Variants in DOCK7 observed in about 807,000 individuals in gnomAD.
DOCK7 encodes the protein dedicator of cytokinesis protein 7.
Under a neutral mutation model 271.0 loss-of-function variants are expected in DOCK7, and 138 were observed. That is an observed-to-expected ratio of 0.51 (90% CI 0.44 to 0.59). The LOEUF (loss-of-function observed/expected upper bound fraction) is 0.59. Among genes scored for constraint, DOCK7 ranks in the 20% least tolerant of loss-of-function variants. The probability of loss-of-function intolerance (pLI) is 0.00; values close to 1 mark genes in which losing one functional copy is unlikely to be tolerated. For missense variants in DOCK7, 2,066 were observed against 2,592.4 expected (o/e 0.80, Z 4.41); for synonymous variants, 823 against 876.1 (o/e 0.94, Z 1.07).
intron 14 of DOCK7, chr1:62,604,663 A>C: frequency 4.3e-6 from 7 of 1,613,236 alleles, no homozygotes; most frequent in Non-Finnish European, 5.9e-6. Context: ...GAGTGTGGAG[A>C]AAACAACCTA....
At chr1:62,502,455 T>C (rs1646811325) in intron 37 of DOCK7, among the ~76,000 whole-genome samples, 1 of 152,210 alleles carries the variant, frequency 6.6e-6, no homozygotes. Flanking sequence ...GCTCATGTGA[T>C]ATCCAATAAG....
At chr1:62,679,843 C>G (rs1025395545) in intron 1 of DOCK7, among the ~76,000 whole-genome samples, 6 of 152,084 alleles carry the variant, frequency 3.9e-5, no homozygotes, top group African/African-American at 9.7e-5. Flanking sequence ...ATGTGAAGGA[C>G]CTCTTCAAGG....
chr1:62,650,686 A>G (rs1178399470), intron 4 of DOCK7, among the ~76,000 whole-genome samples: 2 of 152,246 alleles, frequency 1.3e-5, no homozygotes, highest in East Asian at 1.9e-4. Flanking sequence ...CAACAGACAC[A>G]TGAAAAAATG....
chr1:62,655,117 C>T (rs1471354547), intron 2 of DOCK7, among the ~76,000 whole-genome samples: 1 of 152,118 alleles, frequency 6.6e-6, no homozygotes, highest in African/African-American at 2.4e-5. Context: ...ATACACAGGC[C>T]CTATTAAAAC....
chr1:62,582,533 G>C (rs1242122156), intron 16 of DOCK7, among the ~76,000 whole-genome samples: 2 of 99,636 alleles, frequency 2.0e-5, no homozygotes, highest in South Asian at 8.0e-4. Flanking sequence ...CTGGGGGACA[G>C]AGCGAGACTC....
At chr1:62,635,578 T>C (rs1033342346) in intron 8 of DOCK7, 4 of 149,460 alleles carry the variant, frequency 2.7e-5, no homozygotes, top group Non-Finnish European at 5.9e-5. Context: ...TACAAAGAAA[T>C]TATCATTGAG....
chr1:62,604,009 G>A (rs1402276845), intron 14 of DOCK7: 3 of 1,613,066 alleles, frequency 1.9e-6, no homozygotes, highest in South Asian at 1.1e-5. Context: ...ACTCCATAGT[G>A]AAGCAATCTA....
intron 1 of DOCK7, among the ~76,000 whole-genome samples, chr1:62,677,714 A>G (rs1660690600): frequency 6.6e-6 from 1 of 152,232 alleles, no homozygotes; most frequent in Non-Finnish European, 1.5e-5. Context: ...TAAAGCATCA[A>G]TTCTTAATTC....
chr1:62,573,897 T>G (rs1458724070), intron 18 of DOCK7, among the ~76,000 whole-genome samples: 1 of 152,116 alleles, frequency 6.6e-6, no homozygotes, highest in Non-Finnish European at 1.5e-5. Context: ...TCCAAAGCAC[T>G]GGGATTATAG....
At chr1:62,461,537 A>T (rs1424301099) in intron 48 of DOCK7, among the ~76,000 whole-genome samples, 3 of 151,562 alleles carry the variant, frequency 2.0e-5, no homozygotes, top group African/African-American at 7.3e-5. Context: ...TATAGTGGTG[A>T]ACACCTGTGG....
At chr1:62,596,824 C>A (rs1649324869) in intron 14 of DOCK7, among the ~76,000 whole-genome samples, 1 of 152,022 alleles carries the variant, frequency 6.6e-6, no homozygotes, top group South Asian at 2.1e-4. Flanking sequence ...TCAACGAGCA[C>A]ATGGTAAAGA....
At position 62,476,130 on chromosome 1, in the gene DOCK7, C is replaced by T. The variant is rs372161044; in HGVS notation, c.5661G>A (p.Glu1887=). Residue 1887 remains glutamate (E), a synonymous_variant, in exon 45 of 50, where the codon GAG becomes GAA. Coordinates refer to ENST00000635253, the MANE Select transcript of DOCK7 (RefSeq NM_001367561.1). ...LEGFYGERFG[E]DVVEVIKDSN... ...AGTCTTTGATTACTTCAACCACATCCTCTCCAAATCTTTCTCCGTAAAATC... is the reference window on the plus strand; with the variant it reads ...AGTCTTTGATTACTTCAACCACATCTTCTCCAAATCTTTCTCCGTAAAATC... The T allele has an allele frequency of 1.9e-6, 3 of 1,612,940 alleles. No individual in the cohort carries two copies. The highest frequency in any genetic ancestry group is 1.7e-6 in the Non-Finnish European group (2 of 1,179,546).
chr1:62,668,895 A>C (rs555413409), intron 1 of DOCK7, among the ~76,000 whole-genome samples: 159 of 150,532 alleles, frequency 1.1e-3, no homozygotes, highest in African/African-American at 3.6e-3. Context: ...ACTGCACTCC[A>C]GCCTGGGCAA....
intron 44 of DOCK7, 36 bp downstream of exon 44, chr1:62,477,664 T>C: frequency 6.5e-7 from 1 of 1,549,276 alleles, no homozygotes; most frequent in Non-Finnish European, 8.7e-7. Flanking sequence ...GAATACAAAC[T>C]AAAGATGACA....
intron 31 of DOCK7, among the ~76,000 whole-genome samples, chr1:62,521,284 C>T (rs1168050): frequency 0.58 from 88,692 of 151,894 alleles, 27,538 homozygotes; most frequent in East Asian, 0.76. Context: ...TACATATAAA[C>T]AGCATTTAAC....
chr1:62,667,021 G>C (rs957209433), intron 1 of DOCK7, among the ~76,000 whole-genome samples: 11 of 152,192 alleles, frequency 7.2e-5, no homozygotes, highest in African/African-American at 2.4e-4. Flanking sequence ...GAAATAACTA[G>C]CAAAAGACCC....
At position 62,475,691 on chromosome 1, in the gene DOCK7, C is replaced by T. The variant is rs1645950074; in HGVS notation, c.5961+16G>A. The T allele has an allele frequency of 1.2e-6, 2 of 1,607,204 alleles. No homozygotes were observed. Among genetic ancestry groups the T allele is most frequent in the Non-Finnish European group, 8.5e-7 (1 of 1,174,404 alleles). ...TATTTGCTTCACTAATGCTGTTTGC[C>T]CATTAATGGACTTACCTCTTCTTTA... is the stretch of plus-strand genomic sequence containing the variant. On this transcript the variant is annotated intron_variant, in intron 46 of 49. Coordinates refer to ENST00000635253, the MANE Select transcript of DOCK7 (RefSeq NM_001367561.1).
intron 1 of DOCK7, among the ~76,000 whole-genome samples, chr1:62,672,237 C>A (rs1251404525): frequency 6.6e-6 from 1 of 152,080 alleles, no homozygotes; most frequent in Non-Finnish European, 1.5e-5. Flanking sequence ...TGACATCATA[C>A]AATAATCATT....
chr1:62,613,036 A>C (rs1483834519), intron 14 of DOCK7, among the ~76,000 whole-genome samples: 1 of 152,236 alleles, frequency 6.6e-6, no homozygotes. Flanking sequence ...TACAACTCAA[A>C]TACAACAGTG....
Sources: allele counts gnomAD v4.1 joint callset (sites outside exome capture counted in the v4.1 genomes callset), GRCh38; gene constraint gnomAD v4.1.1; transcripts MANE v1.5; gene names NCBI Gene and HGNC (gene_info 2026-07-23, HGNC 2026-07-21).